EIF3B: variants seen among roughly 807,000 people sequenced by gnomAD.
EIF3B encodes eukaryotic translation initiation factor 3 subunit 9.
EIF3B carries 10 observed loss-of-function variants against 104.6 expected under a neutral mutation model. The ratio of observed to expected loss-of-function variants is 0.10; its 90% CI spans 0.06 to 0.16. The LOEUF (loss-of-function observed/expected upper bound fraction) is 0.16. EIF3B is among the 10% of genes least tolerant of loss of function. The pLI, the probability that EIF3B is intolerant of heterozygous loss-of-function variation, is 1.00. For missense variants in EIF3B, 1,014 were observed against 1,087.9 expected, an observed-to-expected ratio of 0.93 and a Z score of 0.96; for synonymous variants, 542 against 417.2, an observed-to-expected ratio of 1.30 and a Z score of -3.65.
rs779620649 is a variant in EIF3B, at chr7:2,366,312, T to C, written c.1158-5T>C. On this transcript the variant is annotated splice_polypyrimidine_tract_variant and splice_region_variant and intron_variant, in intron 6 of 18. Transcript: ENST00000360876. ...ATAGTGTACAGTGTTGCCCTTCTCT[T>C]CTAGGTACCTGGTGACCTTTAGCCC... 6 of 1,600,620 alleles carry C rather than the reference T, an allele frequency of 3.7e-6. No individual in the cohort carries two copies. Among genetic ancestry groups the C allele is most frequent in the Non-Finnish European group, 5.1e-6 (6 of 1,174,288 alleles).
At chr7:2,369,178 C>A (rs1319258753) in intron 9 of EIF3B, among the ~76,000 whole-genome samples, 1 of 152,168 alleles carries the variant, frequency 6.6e-6, no homozygotes, top group Non-Finnish European at 1.5e-5. Flanking sequence ...TAAGAGTGGG[C>A]TGACGGAGCC....
chr7:2,355,470 G>T (rs115900900), intron 1 of EIF3B, 50 bp downstream of exon 1: 11 of 1,401,034 alleles, frequency 7.9e-6, no homozygotes, highest in Non-Finnish European at 1.0e-5. Context: ...GCGTGGCTGG[G>T]GTTCCCGAGG....
At chr7:2,362,581 C>G in intron 2 of EIF3B, 64 bp from the exon 3 acceptor site, 1 of 1,593,820 alleles carries the variant, frequency 6.3e-7, no homozygotes, top group East Asian at 2.2e-5. Flanking sequence ...AGGGGTGGGG[C>G]GGACAGCGCA....
intron 5 of EIF3B, among the ~76,000 whole-genome samples, chr7:2,363,988 G>A (rs1418759682): frequency 6.6e-6 from 1 of 152,198 alleles, no homozygotes; most frequent in Non-Finnish European, 1.5e-5. Flanking sequence ...TAGGCCGGGC[G>A]CGGTGGCTCA....
chr7:2,378,851 T>C (rs1780833901), intron 16 of EIF3B, 85 bp downstream of exon 16: 17 of 1,185,792 alleles, frequency 1.4e-5, no homozygotes, highest in Middle Eastern at 3.8e-4. Context: ...GCTGTGTATG[T>C]GCTCAGAGTT....
rs553116224 is a variant in EIF3B at position 2,356,018 on chromosome 7, A to AT, written c.499+599dup. Among the ~76,000 whole-genome samples, 247 of 152,346 alleles carry AT rather than the reference A, an allele frequency of 1.6e-3. 1 individual carries two copies. The highest frequency in any genetic ancestry group is 5.7e-3 in the African/African-American group (239 of 41,580). On this transcript the variant is annotated intron_variant, in intron 1 of 18. Transcript: ENST00000360876. ...ATTTTTCCAGGTTTTAATATTGCCG[A>AT]TAACAGCCAGCTTTGCCTTCATCTC...
chr7:2,363,353 G>C (rs1779841017), intron 4 of EIF3B, among the ~76,000 whole-genome samples: 1 of 152,044 alleles, frequency 6.6e-6, no homozygotes. Flanking sequence ...CAGCTACCTG[G>C]GAGGCTGAGG....
At chr7:2,360,372 T>A (rs768155969) in intron 1 of EIF3B, among the ~76,000 whole-genome samples, 7 of 152,366 alleles carry the variant, frequency 4.6e-5, no homozygotes, top group Admixed American at 2.6e-4. Flanking sequence ...CTCTGGAAGA[T>A]CTAATAGTGG....
intron 15 of EIF3B, among the ~76,000 whole-genome samples, chr7:2,377,635 TTC>T (rs1435813641): frequency 1.1e-4 from 11 of 103,868 alleles, no homozygotes; most frequent in African/African-American, 2.7e-4. Context: ...GGAATCCGTG[TTC>T]TGTGAATGAC....
rs1780672570 is a variant in EIF3B at position 2,377,048 on chromosome 7, C to T, written c.2127C>T (p.Pro709=). 1 of 1,613,630 alleles carries T rather than the reference C, an allele frequency of 6.2e-7. No homozygotes were observed. The highest frequency in any genetic ancestry group is 1.1e-5 in the South Asian group (1 of 91,068). ...FCQLLWRPRP[P]TLLSQEQIKQ... is the part of the protein sequence containing the mutation. Reference sequence around the variant, plus strand: ...AGCTGCTGTGGCGGCCCCGGCCTCCCACACTCCTGAGCCAGGAACAGATCA... The same window carrying T: ...AGCTGCTGTGGCGGCCCCGGCCTCCTACACTCCTGAGCCAGGAACAGATCA... Residue 709 remains proline, a synonymous_variant, in exon 15 of 19, where the codon CCC becomes CCT. Coordinates refer to ENST00000360876, the MANE Select transcript of EIF3B (RefSeq NM_001037283.2).
intron 10 of EIF3B, 76 bp from the exon 11 acceptor site, chr7:2,371,701 G>A (rs764710026): frequency 6.0e-6 from 7 of 1,170,734 alleles, no homozygotes; most frequent in Non-Finnish European, 9.0e-6. Flanking sequence ...TCATTGTGAC[G>A]TTGATCTTTG....
At chr7:2,356,191 C>T (rs1240324904) in intron 1 of EIF3B, among the ~76,000 whole-genome samples, 1 of 152,152 alleles carries the variant, frequency 6.6e-6, no homozygotes, top group Admixed American at 6.6e-5. Flanking sequence ...TCAGCCTCTG[C>T]AGATTGGCTA....
rs1238150321 is a variant in EIF3B, at chr7:2,369,549, C to T, written c.1481C>T (p.Thr494Ile). 3 of 1,614,106 alleles carry T rather than the reference C, an allele frequency of 1.9e-6. No homozygotes were observed. The highest frequency in any genetic ancestry group is 2.5e-6 in the Non-Finnish European group (3 of 1,180,040). Residue 494 changes from threonine (T) to isoleucine (I), a missense_variant, in exon 10 of 19, where the codon ACC becomes ATC. Around this residue, in one of 4 missense-constraint regions of EIF3B, gnomAD observed 59 missense variants for 118.8 expected, o/e 0.50. Transcript: ENST00000360876. ...PEDKDIPARV[T>I]LMQLPTRQEI... ...GACAAAGATATTCCAGCCAGGGTAACCCTGATGCAGCTCCCTACCAGGCAA... is the reference window on the plus strand; with the variant it reads ...GACAAAGATATTCCAGCCAGGGTAATCCTGATGCAGCTCCCTACCAGGCAA...
chr7:2,362,325 C>T (rs757845773), intron 2 of EIF3B, among the ~76,000 whole-genome samples: 2 of 152,094 alleles, frequency 1.3e-5, no homozygotes, highest in Non-Finnish European at 2.9e-5. Flanking sequence ...AGTTTTAAAG[C>T]GTACAATTTA....
intron 1 of EIF3B, among the ~76,000 whole-genome samples, chr7:2,357,307 G>T (rs1170204263): frequency 2.0e-5 from 3 of 152,204 alleles, no homozygotes; most frequent in Non-Finnish European, 2.9e-5. Context: ...GTTGGCCAGA[G>T]TGACAGGTGA....
At chr7:2,368,359 T>A (rs1199231913) in intron 9 of EIF3B, among the ~76,000 whole-genome samples, 1 of 152,146 alleles carries the variant, frequency 6.6e-6, no homozygotes, top group Non-Finnish European at 1.5e-5. Context: ...TTGGCCAGGC[T>A]GGTCTCGAAC....
At chr7:2,363,566 A>G (rs1779855605) in intron 4 of EIF3B, 66 bp from the exon 5 acceptor site, 3 of 1,433,358 alleles carry the variant, frequency 2.1e-6, no homozygotes, top group Non-Finnish European at 9.5e-7. Context: ...CTTTAAGAGC[A>G]ATAGTTGTGA....
chr7:2,366,688 G>T lies in EIF3B; in HGVS notation c.1356+97G>T, dbSNP rs537722744. Reference sequence around the variant, plus strand: ...ATTTGTGCTAGAAGAGGAGGAGGAGGTTTCACAGATGCATAGGAAAGGCCT... The same window carrying T: ...ATTTGTGCTAGAAGAGGAGGAGGAGTTTTCACAGATGCATAGGAAAGGCCT... On this transcript the variant is annotated intron_variant, in intron 8 of 18. Transcript: ENST00000360876. The T allele has an allele frequency of 2.7e-5, 38 of 1,404,094 alleles. No homozygotes were observed. The Admixed American group carries it at 3.9e-4, about 15-fold the overall frequency. 87.0% of individuals were successfully genotyped at this position (1,404,094 alleles called of 1,614,324 possible).
At chr7:2,377,164 GGTGACTGGGGGATAAAAAC>G in intron 15 of EIF3B, 89 bp downstream of exon 15, 1 of 1,468,890 alleles carries the variant, frequency 6.8e-7, no homozygotes, top group Non-Finnish European at 9.0e-7. Flanking sequence ...TTGTTAGGGT[GGTGACTGGGGGATAAAAAC>G]GTGACATTTG....
Sources: gnomAD v4.1 joint callset for allele counts (sites outside exome capture counted in the v4.1 genomes callset) on GRCh38, gnomAD v4.1.1 for gene constraint, gnomAD v4.1.1 regional missense constraint, MANE v1.5 for transcripts, NCBI Gene and HGNC (gene_info 2026-07-23, HGNC 2026-07-21) for gene names.